Variants in SLC8A3 observed in about 807,000 individuals in gnomAD.
SLC8A3 encodes the protein solute carrier family 8 member A3, also known as sodium/calcium exchanger 3.
In SLC8A3, 37 loss-of-function variants were observed where a neutral mutation model predicts 65.4. That is an observed-to-expected ratio of 0.57 (90% CI 0.44 to 0.74). The LOEUF is 0.74. Among genes scored for constraint, SLC8A3 ranks in the 30% least tolerant of loss-of-function variants. SLC8A3 has a pLI of 0.00. For missense variants in SLC8A3, 1,112 were observed against 1,172.1 expected, an observed-to-expected ratio of 0.95 and a Z score of 0.75; for synonymous variants, 461 against 444.5, an observed-to-expected ratio of 1.04 and a Z score of -0.47.
At position 70,046,213 on chromosome 14, in the gene SLC8A3, A is replaced by C; in HGVS notation, c.2500T>G (p.Trp834Gly). Residue 834 changes from tryptophan to glycine, a missense_variant, in exon 7 of 7, where the codon TGG becomes GGG. By Grantham distance (184) the Trp-to-Gly change is radical (BLOSUM62 -2). Transcript: ENST00000356921. This position sits in a 1 kb window ranked among gnomAD's most constrained non-coding sequence, Gnocchi z 4.2. ...GCCCAGTAGATGGCGGCCACGGACC[A>C]GGCCAGGCCGATGCCCAGGAAGACA... The part of the protein sequence containing the change: ...VNVFLGIGLA[W>G]SVAAIYWALQ... The C allele has an allele frequency of 1.2e-6, 2 of 1,614,230 alleles. No homozygotes were observed. Among genetic ancestry groups the C allele is most frequent in the Non-Finnish European group, 1.7e-6 (2 of 1,180,040 alleles).
rs764161861 is a variant in SLC8A3 at position 70,166,662 on chromosome 14, C to G, written c.1761G>C (p.Leu587Phe). 1.3e-5 allele frequency: 21 copies of G among 1,596,206 alleles called. No homozygotes were observed. Among genetic ancestry groups the G allele is most frequent in the Admixed American group, 8.7e-5 (5 of 57,574 alleles). Residue 587 changes from leucine (L) to phenylalanine (F), a missense_variant, in exon 2 of 7, where the codon TTG (leucine) becomes TTC (phenylalanine). By Grantham distance (22) the Leu-to-Phe change is conservative. Transcript: ENST00000356921. ...ACACAGTTTCATCATTCTTGAATTCCAACTCCCCATATGTGTCTTCAAAGT... is the reference window on the plus strand; with the variant it reads ...ACACAGTTTCATCATTCTTGAATTCGAACTCCCCATATGTGTCTTCAAAGT... ...GEDFEDTYGE[L>F]EFKNDETVKT... is the part of the protein sequence containing the mutation.
At chr14:70,119,940 C>T (rs1280109136) in intron 2 of SLC8A3, among the ~76,000 whole-genome samples, 1 of 152,174 alleles carries the variant, frequency 6.6e-6, no homozygotes, top group Non-Finnish European at 1.5e-5. Context: ...TCCCAGATGC[C>T]TTTGCATCTA....
chr14:70,189,052 CA>C (rs1226313572), upstream of SLC8A3: 1 of 152,242 alleles, frequency 6.6e-6, no homozygotes, highest in Non-Finnish European at 1.5e-5. Flanking sequence ...GTCACCCTAT[CA>C]GCTGGGAGAC....
chr14:70,112,101 T>C (rs1209978569), intron 2 of SLC8A3, among the ~76,000 whole-genome samples: 1 of 152,086 alleles, frequency 6.6e-6, no homozygotes, highest in Non-Finnish European at 1.5e-5. Flanking sequence ...GACCTGCTTG[T>C]AGAAAGATAC....
intron 2 of SLC8A3, among the ~76,000 whole-genome samples, chr14:70,086,536 G>A (rs1054030683): frequency 2.0e-5 from 3 of 151,340 alleles, no homozygotes; most frequent in Non-Finnish European, 4.4e-5. Context: ...CGAGTAGCTG[G>A]GATTACAGGA....
At position 70,049,032 on chromosome 14, in the gene SLC8A3, C is replaced by A; in HGVS notation, c.2124G>T (p.Glu708Asp). ...EAITVSAAGD[E>D]DEDESGEERL... Reference sequence around the variant, plus strand: ...TCTCCTCCCCGGATTCATCCTCATCCTCATCCCCTGCTGAAGGCAAGATAA... The same window carrying A: ...TCTCCTCCCCGGATTCATCCTCATCATCATCCCCTGCTGAAGGCAAGATAA... Residue 708 changes from glutamate to aspartate, a missense_variant, in exon 6 of 7, where the codon GAG becomes GAT. Coordinates refer to ENST00000356921, the MANE Select transcript of SLC8A3 (RefSeq NM_182932.3). 6.2e-7 allele frequency: 1 copy of A among 1,606,632 alleles called. No homozygotes were observed. Among genetic ancestry groups the A allele is most frequent in the Admixed American group, 1.7e-5 (1 of 59,648 alleles).
intron 2 of SLC8A3, among the ~76,000 whole-genome samples, chr14:70,078,498 G>T (rs1890739622): frequency 6.6e-6 from 1 of 152,116 alleles, no homozygotes; most frequent in Admixed American, 6.6e-5. Flanking sequence ...CTGACTTGCA[G>T]GTAGTTTGGA....
At chr14:70,119,197 C>G (rs200802267) in intron 2 of SLC8A3, among the ~76,000 whole-genome samples, 2 of 151,582 alleles carry the variant, frequency 1.3e-5, no homozygotes, top group African/African-American at 4.9e-5. Flanking sequence ...CTTTTCCCCC[C>G]ACCCTGGTGG....
intron 2 of SLC8A3, among the ~76,000 whole-genome samples, chr14:70,124,219 T>G (rs561530978): frequency 4.6e-5 from 7 of 152,256 alleles, no homozygotes; most frequent in Non-Finnish European, 1.0e-4. Flanking sequence ...TGAAGCCACT[T>G]CAGAACAGGT....
chr14:70,146,934 TTAAA>T (rs1372396916), intron 2 of SLC8A3, among the ~76,000 whole-genome samples: 2 of 152,164 alleles, frequency 1.3e-5, no homozygotes, highest in East Asian at 3.8e-4. Flanking sequence ...AACGTATATA[TTAAA>T]TAAAGTGTCT....
At chr14:70,153,849 T>C (rs144079857) in intron 2 of SLC8A3, among the ~76,000 whole-genome samples, 200 of 152,308 alleles carry the variant, frequency 1.3e-3, no homozygotes, top group African/African-American at 4.7e-3. Context: ...TCGGACACCA[T>C]GGACATGGCA....
chr14:70,146,605 A>G (rs1895943648), intron 2 of SLC8A3, among the ~76,000 whole-genome samples: 1 of 152,204 alleles, frequency 6.6e-6, no homozygotes, highest in African/African-American at 2.4e-5. Flanking sequence ...ATATTAGAGT[A>G]TATTTATAAA....
chr14:70,157,156 C>T lies in SLC8A3; in HGVS notation c.1784+9483G>A, dbSNP rs796877995. 8.5e-5 allele frequency among the ~76,000 whole-genome samples: 13 copies of T among 152,264 alleles called. 1 individual carries two copies. The highest frequency in any genetic ancestry group is 2.1e-4 in the South Asian group (1 of 4,818). ...CTATTTCTCCCATTCTCCAGCCTAC[C>T]GCCCCAGTACAGGCCACTACAAAAT... On this transcript the variant is annotated intron_variant, in intron 2 of 6. Transcript: ENST00000356921.
At chr14:70,174,668 T>TG (rs1897776142) in intron 1 of SLC8A3, among the ~76,000 whole-genome samples, 4 of 111,082 alleles carry the variant, frequency 3.6e-5, no homozygotes, top group South Asian at 2.7e-4. Context: ...TTTTGTTTTT[T>TG]TTTTTTTTTT....
intron 2 of SLC8A3, among the ~76,000 whole-genome samples, chr14:70,084,365 C>T (rs1163071459): frequency 6.6e-6 from 1 of 152,184 alleles, no homozygotes; most frequent in African/African-American, 2.4e-5. Context: ...GTTTCAGTGT[C>T]TGCTGTTGTC....
intron 1 of SLC8A3, among the ~76,000 whole-genome samples, chr14:70,176,125 T>C (rs1336869039): frequency 1.3e-5 from 2 of 152,248 alleles, no homozygotes; most frequent in Non-Finnish European, 2.9e-5. Flanking sequence ...CAAAGATGCC[T>C]GAAATGTGCT....
intron 2 of SLC8A3, among the ~76,000 whole-genome samples, chr14:70,095,921 A>T (rs1037705629): frequency 1.3e-5 from 2 of 151,560 alleles, no homozygotes; most frequent in Non-Finnish European, 2.9e-5. Flanking sequence ...TCGCTCTGTC[A>T]CCCAGGCTGG....
intron 2 of SLC8A3, among the ~76,000 whole-genome samples, chr14:70,143,600 G>A (rs1895712969): frequency 6.6e-6 from 1 of 152,076 alleles, no homozygotes. Flanking sequence ...CTGGAGGTAG[G>A]TTCCAGGCAT....
chr14:70,066,329 G>A (rs1889421093), intron 2 of SLC8A3, among the ~76,000 whole-genome samples: 1 of 152,212 alleles, frequency 6.6e-6, no homozygotes, highest in African/African-American at 2.4e-5. Context: ...TCACCAGCCA[G>A]ATCTTGAGTT....
Sources: allele counts gnomAD v4.1 joint callset (sites outside exome capture counted in the v4.1 genomes callset), GRCh38; gene constraint gnomAD v4.1.1; non-coding constraint Gnocchi (gnomAD v3.1); transcripts MANE v1.5; gene names NCBI Gene and HGNC (gene_info 2026-07-23, HGNC 2026-07-21).